ARHGEF3: variants seen among roughly 807,000 people sequenced by gnomAD.
ARHGEF3 encodes the protein Rho guanine nucleotide exchange factor 3.
Under a neutral mutation model 63.2 loss-of-function variants are expected in ARHGEF3, and 28 were observed. That is an observed-to-expected ratio of 0.44 (90% CI 0.33 to 0.61). The LOEUF (loss-of-function observed/expected upper bound fraction) is 0.61. ARHGEF3 is among the 20% of genes least tolerant of loss of function. The probability of loss-of-function intolerance (pLI) is 0.03; values close to 1 mark genes in which losing one functional copy is unlikely to be tolerated. For missense variants in ARHGEF3, 533 were observed against 659.3 expected, an observed-to-expected ratio of 0.81 and a Z score of 2.10; for synonymous variants, 266 against 254.2, an observed-to-expected ratio of 1.05 and a Z score of -0.44.
intron 8 of ARHGEF3, among the ~76,000 whole-genome samples, chr3:56,736,408 G>T (rs889177919): frequency 6.6e-6 from 1 of 152,144 alleles, no homozygotes; most frequent in Non-Finnish European, 1.5e-5. Context: ...GGTATCTATA[G>T]GTCAAAGCTA....
chr3:56,905,187 G>A (rs1473569265), intron 3 of ARHGEF3, among the ~76,000 whole-genome samples: 1 of 151,950 alleles, frequency 6.6e-6, no homozygotes, highest in African/African-American at 2.4e-5. Flanking sequence ...TTCATTTTTT[G>A]AATAGGTAAT....
intron 4 of ARHGEF3, among the ~76,000 whole-genome samples, chr3:56,840,418 T>C (rs1167334757): frequency 1.2e-4 from 18 of 152,236 alleles, no homozygotes; most frequent in Admixed American, 8.5e-4. Flanking sequence ...TTCCACACTC[T>C]ACAGGTAAGA....
At chr3:57,058,137 T>C (rs1418195002) in intron 1 of ARHGEF3, among the ~76,000 whole-genome samples, 1 of 152,194 alleles carries the variant, frequency 6.6e-6, no homozygotes, top group Non-Finnish European at 1.5e-5. Context: ...CAATTAAAAG[T>C]CCTGAAAGAA....
chr3:56,729,041 A>T lies in ARHGEF3; in HGVS notation c.*229T>A. On this transcript the variant is annotated 3_prime_UTR_variant, in exon 10 of 10. Transcript: ENST00000296315. ...TGTTTGAGTACCTCTCCATCCATCC[A>T]GACACTTGGGAAATACAACACAGGG... 2.1e-6 allele frequency: 1 copy of T among 476,394 alleles called. No homozygotes were observed. Among genetic ancestry groups the T allele is most frequent in the East Asian group, 3.4e-5 (1 of 29,282 alleles). 29.5% of individuals were successfully genotyped at this position (476,394 alleles called of 1,614,324 possible). A position where few individuals can be genotyped will look rare whatever the true frequency, so the allele number is the denominator to read the frequency against.
chr3:56,894,762 C>T (rs556978112), intron 3 of ARHGEF3, among the ~76,000 whole-genome samples: 7 of 152,066 alleles, frequency 4.6e-5, no homozygotes, highest in Non-Finnish European at 1.0e-4. Flanking sequence ...GAAATGTCCA[C>T]GAAAGTCCTA....
intron 2 of ARHGEF3, among the ~76,000 whole-genome samples, chr3:57,026,624 GCCA>G (rs35225249): frequency 0.17 from 25,777 of 152,094 alleles, 2,545 homozygotes; most frequent in East Asian, 0.4. Flanking sequence ...TGTTTTAGGT[GCCA>G]CCATCTACCC....
chr3:56,806,231 G>A (rs1049213656), upstream of ARHGEF3, among the ~76,000 whole-genome samples: 4 of 152,150 alleles, frequency 2.6e-5, no homozygotes, highest in Non-Finnish European at 4.4e-5. Context: ...GGGGGTGTCC[G>A]TGAACAAAGA....
chr3:57,076,412 A>C (rs1046580395), intron 1 of ARHGEF3, among the ~76,000 whole-genome samples: 1 of 152,212 alleles, frequency 6.6e-6, no homozygotes, highest in Non-Finnish European at 1.5e-5. Flanking sequence ...CAGGATAGTC[A>C]GAACACGAAG....
chr3:56,916,898 A>G (rs2042005431), intron 3 of ARHGEF3, among the ~76,000 whole-genome samples: 1 of 152,058 alleles, frequency 6.6e-6, no homozygotes, highest in South Asian at 2.1e-4. Context: ...AAGCAACTAC[A>G]CACCCATCCG....
chr3:56,796,208 A>G (rs1168422906), intron 1 of ARHGEF3, among the ~76,000 whole-genome samples: 1 of 152,234 alleles, frequency 6.6e-6, no homozygotes, highest in Non-Finnish European at 1.5e-5. Context: ...AGGGCTTTGC[A>G]AAATTAGGTT....
chr3:56,968,138 T>C (rs1337165263), intron 2 of ARHGEF3, among the ~76,000 whole-genome samples: 1 of 42,400 alleles, frequency 2.4e-5, no homozygotes, highest in Non-Finnish European at 4.1e-5. Context: ...TATATTTTTA[T>C]ATATAATATA....
At chr3:56,940,363 C>T (rs1699116018) in intron 3 of ARHGEF3, among the ~76,000 whole-genome samples, 1 of 152,156 alleles carries the variant, frequency 6.6e-6, no homozygotes, top group African/African-American at 2.4e-5. Context: ...AGGGACTAAG[C>T]AAGGACTAAT....
intron 4 of ARHGEF3, among the ~76,000 whole-genome samples, chr3:56,873,227 T>TC (rs1013941552): frequency 3.7e-4 from 56 of 149,998 alleles, no homozygotes; most frequent in African/African-American, 1.3e-3. Context: ...ATGTTTGTTT[T>TC]TTTTTTTTTA....
intron 7 of ARHGEF3, among the ~76,000 whole-genome samples, chr3:56,740,424 T>C (rs938565449): frequency 6.6e-6 from 1 of 152,234 alleles, no homozygotes; most frequent in Non-Finnish European, 1.5e-5. Context: ...AACACTTTGG[T>C]ATACTTTCTT....
intron 2 of ARHGEF3, among the ~76,000 whole-genome samples, chr3:56,984,582 A>G (rs1701462055): frequency 6.6e-6 from 1 of 152,216 alleles, no homozygotes; most frequent in African/African-American, 2.4e-5. Flanking sequence ...TTAAAAAAAA[A>G]GATAAGGAAA....
chr3:57,056,973 C>T (rs896257851), intron 1 of ARHGEF3, among the ~76,000 whole-genome samples: 1 of 151,922 alleles, frequency 6.6e-6, no homozygotes, highest in South Asian at 2.1e-4. Context: ...CCCCCTGCCC[C>T]CTTCCATCTT....
intron 1 of ARHGEF3, among the ~76,000 whole-genome samples, chr3:57,038,592 C>T (rs1015933403): frequency 6.6e-6 from 1 of 152,224 alleles, no homozygotes; most frequent in Non-Finnish European, 1.5e-5. Flanking sequence ...TACAGGTGCA[C>T]ATTACCACAC....
At chr3:56,797,743 C>T (rs181264227) in intron 1 of ARHGEF3, among the ~76,000 whole-genome samples, 3 of 152,272 alleles carry the variant, frequency 2.0e-5, no homozygotes, top group African/African-American at 7.2e-5. Flanking sequence ...TCACCTTGCC[C>T]TTTAGAAGTG....
chr3:56,916,868 C>T (rs936034884), intron 3 of ARHGEF3, among the ~76,000 whole-genome samples: 10 of 152,196 alleles, frequency 6.6e-5, no homozygotes, highest in African/African-American at 2.4e-4. Flanking sequence ...ATACAGAGCC[C>T]ACACTGAGTC....
Sources: allele counts gnomAD v4.1 joint callset (sites outside exome capture counted in the v4.1 genomes callset), GRCh38; gene constraint gnomAD v4.1.1; transcripts MANE v1.5; gene names NCBI Gene and HGNC (gene_info 2026-07-23, HGNC 2026-07-21).